The following PEPD variants were observed in gnomAD, a reference collection of about 807,000 sequenced individuals.
PEPD encodes the protein xaa-Pro dipeptidase.
PEPD carries 53 observed loss-of-function variants against 60.7 expected under a neutral mutation model. The ratio of observed to expected loss-of-function variants is 0.87; its 90% CI spans 0.70 to 1.10. The LOEUF (loss-of-function observed/expected upper bound fraction) is 1.10, where lower values mean the gene tolerates loss of function less well. Ranked by LOEUF, PEPD falls within the 50% of genes least tolerant of loss-of-function variation. PEPD has a pLI of 0.00. For missense variants in PEPD, 711 were observed against 711.9 expected (o/e 1.00, Z 0.01); for synonymous variants, 267 against 284.1 (o/e 0.94, Z 0.60).
intron 13 of PEPD, chr19:33,389,094 C>G (rs3786893): frequency 0.25 from 38,439 of 152,376 alleles, 4,982 homozygotes; most frequent in African/African-American, 0.3. Flanking sequence ...CCAAGAACAT[C>G]AGACTCCAAT....
chr19:33,410,538 C>T (rs1191341060), intron 11 of PEPD, among the ~76,000 whole-genome samples: 4 of 152,138 alleles, frequency 2.6e-5, no homozygotes, highest in Admixed American at 6.5e-5. Context: ...TAGGGTGAGG[C>T]GGGGTCCAGG....
intron 9 of PEPD, among the ~76,000 whole-genome samples, chr19:33,440,856 C>T (rs566809503): frequency 1.3e-5 from 2 of 152,276 alleles, no homozygotes; most frequent in African/African-American, 2.4e-5. Flanking sequence ...TTACTCAGCA[C>T]GTGTGTAATC....
chr19:33,438,209 A>T (rs1239317308), intron 9 of PEPD, among the ~76,000 whole-genome samples: 1 of 152,114 alleles, frequency 6.6e-6, no homozygotes, highest in African/African-American at 2.4e-5. Flanking sequence ...CTGGGCACAG[A>T]GAGAAGAGAG....
intron 9 of PEPD, among the ~76,000 whole-genome samples, chr19:33,462,320 C>T (rs942429254): frequency 6.7e-6 from 1 of 148,884 alleles, no homozygotes; most frequent in South Asian, 2.4e-4. Flanking sequence ...CAGGTGGTAC[C>T]AACACTGGTG....
At chr19:33,456,032 G>C (rs1969791694) in intron 9 of PEPD, among the ~76,000 whole-genome samples, 1 of 152,130 alleles carries the variant, frequency 6.6e-6, no homozygotes, top group Admixed American at 6.5e-5. Flanking sequence ...CTGGTTCTCT[G>C]TCCAGCTTTC....
intron 9 of PEPD, among the ~76,000 whole-genome samples, chr19:33,460,287 C>T (rs1354651224): frequency 6.6e-6 from 1 of 152,164 alleles, no homozygotes; most frequent in Non-Finnish European, 1.5e-5. Flanking sequence ...AAGAAGGCGC[C>T]TCCAGGCTCT....
rs754464372 is a variant in PEPD at position 33,401,853 on chromosome 19, C to T, written c.835G>A (p.Gly279Ser). The change falls in exon 12 of 15, where the codon GGT (glycine) becomes AGT (serine). Residue 279 changes from glycine to serine, a missense_variant. Coordinates refer to ENST00000244137, the MANE Select transcript of PEPD (RefSeq NM_000285.4). ...NGDMCLFDMG[G>S]EYYCFASDIT... ...TCGGAAGCGAAGCAGTAATACTCAC[C>T]GCCCATGTCGAACAGGCTGCGGAGA... The T allele has an allele frequency of 7.4e-6, 12 of 1,613,142 alleles. No individual in the cohort carries two copies. Among genetic ancestry groups the T allele is most frequent in the East Asian group, 2.2e-5 (1 of 44,872 alleles).
intron 3 of PEPD, among the ~76,000 whole-genome samples, chr19:33,503,352 C>T (rs1436168667): frequency 6.6e-6 from 1 of 152,204 alleles, no homozygotes; most frequent in Admixed American, 6.5e-5. Context: ...CACGGGGTAT[C>T]AAGCTCCTGC....
At chr19:33,512,193 G>C (rs1382584783) in intron 2 of PEPD, among the ~76,000 whole-genome samples, 1 of 152,184 alleles carries the variant, frequency 6.6e-6, no homozygotes, top group African/African-American at 2.4e-5. Context: ...TCTAATCCCA[G>C]CTCCACCTCT....
At chr19:33,506,806 C>T (rs1970822062) in intron 3 of PEPD, among the ~76,000 whole-genome samples, 3 of 150,962 alleles carry the variant, frequency 2.0e-5, no homozygotes, top group Admixed American at 6.6e-5. Context: ...ACACCCTACA[C>T]ACCACACACA....
rs776024032 is a variant in PEPD at position 33,478,058 on chromosome 19, T to G, written c.536A>C (p.Glu179Ala). ...AGGCCGTACTCACCACTCAACGATC[T>G]CTGGGTGAAGAATGGTATTGTTGAC... is the stretch of plus-strand genomic sequence containing the variant. ...FEVNNTILHP[E>A]IVECRVFKTD... The change falls in exon 7 of 15, where the codon GAG becomes GCG. Residue 179 changes from glutamate (E) to alanine (A), a missense_variant. Transcript: ENST00000244137. 21 of 1,611,130 alleles carry G rather than the reference T, an allele frequency of 1.3e-5. No individual in the cohort carries two copies. In the South Asian group the frequency reaches 2.2e-4, roughly 17 times the overall value.
chr19:33,431,480 G>A (rs993209772), intron 9 of PEPD, among the ~76,000 whole-genome samples: 1 of 152,162 alleles, frequency 6.6e-6, no homozygotes, highest in Non-Finnish European at 1.5e-5. Context: ...TTCCGCCCAA[G>A]ACAAAGCATC....
chr19:33,406,170 G>A (rs571332329), intron 11 of PEPD, among the ~76,000 whole-genome samples: 2 of 152,320 alleles, frequency 1.3e-5, no homozygotes, highest in South Asian at 2.1e-4. Flanking sequence ...AGTCACACGC[G>A]CAGCACATGC....
intron 6 of PEPD, among the ~76,000 whole-genome samples, chr19:33,481,572 C>CA (rs568080818): frequency 1.0e-4 from 15 of 150,604 alleles, no homozygotes; most frequent in South Asian, 8.4e-4. Flanking sequence ...ATCTCAAAAA[C>CA]AAAAAAAAGA....
At position 33,477,913 on chromosome 19, in the gene PEPD, G is replaced by T. The variant is rs1970248231; in HGVS notation, c.548+133C>A. ...AACAAAGAACAAGCAAAACAGAAAAGGCTATGGGAGAAGGTTCTGGGAATC... is the reference window on the plus strand; with the variant it reads ...AACAAAGAACAAGCAAAACAGAAAATGCTATGGGAGAAGGTTCTGGGAATC... On this transcript the variant is annotated intron_variant, in intron 7 of 14. Transcript: ENST00000244137. 5.5e-6 allele frequency: 4 copies of T among 729,034 alleles called. No individual in the cohort carries two copies. In the South Asian group the frequency reaches 6.0e-5, roughly 11 times the overall value. 45.2% of individuals were successfully genotyped at this position (729,034 alleles called of 1,614,324 possible).
rs1335626293 is a variant in PEPD, at chr19:33,493,455, C to T, written c.394-118G>A. 3.8e-5 allele frequency: 30 copies of T among 781,396 alleles called. No individual in the cohort carries two copies. In the East Asian group the frequency reaches 5.3e-4, roughly 14 times the overall value. 48.4% of individuals were successfully genotyped at this position (781,396 alleles called of 1,614,324 possible). On this transcript the variant is annotated intron_variant, in intron 4 of 14. Coordinates refer to ENST00000244137, the MANE Select transcript of PEPD (RefSeq NM_000285.4). ...TTATCAAGCAGATCATTAGAACAGG[C>T]GACGTGGGCGCTGCCCTCACCCTGC...
intron 9 of PEPD, among the ~76,000 whole-genome samples, chr19:33,454,829 C>G (rs925808941): frequency 6.6e-6 from 1 of 152,032 alleles, no homozygotes; most frequent in Non-Finnish European, 1.5e-5. Context: ...ACTACCTTAG[C>G]CAGGTGATCA....
At position 33,509,904 on chromosome 19, in the gene PEPD, G is replaced by A. The variant is rs375846837; in HGVS notation, c.329+1124C>T. Among the ~76,000 whole-genome samples the A allele has an allele frequency of 6.6e-5, 10 of 152,312 alleles. 1 individual carries two copies. The highest frequency in any genetic ancestry group is 1.9e-4 in the African/African-American group (8 of 41,582). On this transcript the variant is annotated intron_variant, in intron 3 of 14. Transcript: ENST00000244137. ...GGTGGAGGAGGGTGCCCAGCAGCCC[G>A]AGCCTCTGCTCTATCTCACAGGTGA...
chr19:33,388,580 T>G (rs1017944572), intron 13 of PEPD: 10 of 248,706 alleles, frequency 4.0e-5, no homozygotes, highest in Non-Finnish European at 6.6e-5. Flanking sequence ...GGCCCAGATT[T>G]TCCGTGTGAC....
Sources: allele counts gnomAD v4.1 joint callset (sites outside exome capture counted in the v4.1 genomes callset), GRCh38; gene constraint gnomAD v4.1.1; transcripts MANE v1.5; gene names NCBI Gene and HGNC (gene_info 2026-07-23, HGNC 2026-07-21).